The following TRHDE variants were observed in gnomAD, a reference collection of about 807,000 sequenced individuals.
TRHDE encodes thyrotropin releasing hormone degrading enzyme.
Under a neutral mutation model 125.7 loss-of-function variants are expected in TRHDE, and 72 were observed. The ratio of observed to expected loss-of-function variants is 0.57; its 90% CI spans 0.47 to 0.70. TRHDE has a LOEUF of 0.70. TRHDE is among the 30% of genes least tolerant of loss of function. The pLI is 0.00. For synonymous variants in TRHDE, 509 were observed against 509.1 expected (o/e 1.00, Z 0.00); for missense variants, 1,110 against 1,327.1 (o/e 0.84, Z 2.54).
chr12:72,280,294 T>A (rs1489630281), intron 1 of TRHDE, among the ~76,000 whole-genome samples: 1 of 152,180 alleles, frequency 6.6e-6, no homozygotes, highest in Non-Finnish European at 1.5e-5. Flanking sequence ...CTTAGAACAG[T>A]GTCTGATAAT....
intron 15 of TRHDE, among the ~76,000 whole-genome samples, chr12:72,630,536 C>T (rs1412513857): frequency 1.3e-5 from 2 of 151,684 alleles, no homozygotes; most frequent in Non-Finnish European, 2.9e-5. Flanking sequence ...TATTTGGCAG[C>T]TCTAGAAAAC....
intron 12 of TRHDE, among the ~76,000 whole-genome samples, chr12:72,599,546 G>T (rs1274459572): frequency 6.6e-6 from 1 of 151,954 alleles, no homozygotes; most frequent in African/African-American, 2.4e-5. Flanking sequence ...TATGTCCTTT[G>T]CCCACTTTGT....
At chr12:72,479,728 T>C (rs1877073745) in intron 5 of TRHDE, among the ~76,000 whole-genome samples, 1 of 150,906 alleles carries the variant, frequency 6.6e-6, no homozygotes, top group Admixed American at 6.6e-5. Context: ...TAGTTACATA[T>C]GTATACATGT....
intron 2 of TRHDE, among the ~76,000 whole-genome samples, chr12:72,248,021 GTGTGTA>G (rs1360154978): frequency 3.3e-5 from 5 of 152,092 alleles, no homozygotes; most frequent in African/African-American, 7.2e-5. Context: ...ATGCATGTAT[GTGTGTA>G]TGTGTATGTG....
At chr12:72,203,143 T>TAGAG (rs572696783) in intron 2 of TRHDE, among the ~76,000 whole-genome samples, 1 of 149,480 alleles carries the variant, frequency 6.7e-6, no homozygotes, top group South Asian at 2.1e-4. Context: ...GAAAGAGAGA[T>TAGAG]AGAGAGAGAG....
intron 2 of TRHDE, among the ~76,000 whole-genome samples, chr12:72,152,134 A>C (rs1876382753): frequency 6.6e-6 from 1 of 151,316 alleles, no homozygotes; most frequent in Non-Finnish European, 1.5e-5. Context: ...TTGGATTCCT[A>C]GGTATTTTAT....
At chr12:72,193,560 G>C (rs1158691841) in intron 2 of TRHDE, among the ~76,000 whole-genome samples, 1 of 152,098 alleles carries the variant, frequency 6.6e-6, no homozygotes, top group African/African-American at 2.4e-5. Flanking sequence ...CCCTCACTGG[G>C]AATTACCTAT....
rs144213778 is a variant in TRHDE at position 72,181,079 on chromosome 12, A to G, written n.279+75327A>G. 6.3e-4 allele frequency among the ~76,000 whole-genome samples: 96 copies of G among 152,266 alleles called. 1 individual carries two copies. In the East Asian group the frequency reaches 0.014, roughly 23 times the overall value. Reference sequence around the variant, plus strand: ...AATAAGAAGGTAGAAGAAGACTGAGAATGGATGACTTATTTTTCCTGGCGG... The same window carrying G: ...AATAAGAAGGTAGAAGAAGACTGAGGATGGATGACTTATTTTTCCTGGCGG... On this transcript the variant is annotated intron_variant and non_coding_transcript_variant, in intron 2 of 4. Transcript: ENST00000548156.
chr12:72,633,305 C>A (rs1461218126), intron 15 of TRHDE, among the ~76,000 whole-genome samples: 1 of 151,996 alleles, frequency 6.6e-6, no homozygotes, highest in Non-Finnish European at 1.5e-5. Context: ...TGCCTCTTTG[C>A]AAACATGCAA....
chr12:72,549,808 A>G (rs539812395), intron 7 of TRHDE, among the ~76,000 whole-genome samples: 36 of 151,948 alleles, frequency 2.4e-4, no homozygotes, highest in African/African-American at 8.7e-4. Context: ...AGCATTCTGT[A>G]TTCATATTTC....
chr12:72,425,979 C>T (rs1487412517), intron 3 of TRHDE, among the ~76,000 whole-genome samples: 2 of 151,992 alleles, frequency 1.3e-5, no homozygotes, highest in African/African-American at 4.8e-5. Context: ...ATCAACTGTT[C>T]ATGCCAATAA....
At chr12:72,312,488 C>T (rs1868592689) in intron 2 of TRHDE, among the ~76,000 whole-genome samples, 2 of 152,162 alleles carry the variant, frequency 1.3e-5, no homozygotes, top group East Asian at 1.9e-4. Context: ...CAAGAGCACT[C>T]AGCAATTGTT....
At chr12:72,495,450 T>A (rs899318530) in intron 5 of TRHDE, among the ~76,000 whole-genome samples, 1 of 152,112 alleles carries the variant, frequency 6.6e-6, no homozygotes, top group Non-Finnish European at 1.5e-5. Context: ...TGCCCTTTTT[T>A]AGCTGTTTCC....
In TRHDE at chr12:72,430,215, C is replaced by T. The variant is rs373049539; in HGVS notation, c.1316-39543C>T. Among the ~76,000 whole-genome samples, 6 of 146,054 alleles carry T rather than the reference C, an allele frequency of 4.1e-5. No individual in the cohort carries two copies. The South Asian group carries it at 1.3e-3, about 31-fold the overall frequency. ...AAGAAAATCCAACTTCATTCTTTTG[C>T]ATATATATATATGCAATATATATAT... On this transcript the variant is annotated intron_variant, in intron 3 of 18. Transcript: ENST00000261180.
At chr12:72,368,906 C>T (rs959438974) in intron 2 of TRHDE, among the ~76,000 whole-genome samples, 10 of 152,108 alleles carry the variant, frequency 6.6e-5, no homozygotes, top group African/African-American at 2.4e-4. Context: ...GTGTACACAG[C>T]TGGCATTTCA....
intron 3 of TRHDE, among the ~76,000 whole-genome samples, chr12:72,443,123 A>G (rs1049188174): frequency 5.9e-5 from 9 of 151,606 alleles, no homozygotes; most frequent in African/African-American, 2.2e-4. Context: ...CCCGAATCCT[A>G]TGCTACCAAC....
chr12:72,284,155 T>G (rs1361727057), intron 1 of TRHDE, among the ~76,000 whole-genome samples: 1 of 152,128 alleles, frequency 6.6e-6, no homozygotes, highest in East Asian at 1.9e-4. Flanking sequence ...CAGCTGGTAG[T>G]ACATAATGCA....
At chr12:72,383,962 TAA>T (rs1410481722) in intron 3 of TRHDE, among the ~76,000 whole-genome samples, 1 of 152,148 alleles carries the variant, frequency 6.6e-6, no homozygotes, top group Non-Finnish European at 1.5e-5. Flanking sequence ...CTATTTTTGT[TAA>T]TTTTTTACTG....
intron 3 of TRHDE, among the ~76,000 whole-genome samples, chr12:72,392,639 T>C (rs957739376): frequency 6.6e-5 from 10 of 152,164 alleles, no homozygotes; most frequent in African/African-American, 2.4e-4. Context: ...ATACATGAAT[T>C]GATGTGGTTG....
Sources: allele counts gnomAD v4.1 joint callset (sites outside exome capture counted in the v4.1 genomes callset), GRCh38; gene constraint gnomAD v4.1.1; transcripts MANE v1.5; gene names NCBI Gene and HGNC (gene_info 2026-07-23, HGNC 2026-07-21).